DCHS2: variants seen among roughly 807,000 people sequenced by gnomAD.
The protein encoded by DCHS2 is dachsous cadherin-related 2, also known as protocadherin-23.
Under a neutral mutation model 182.4 loss-of-function variants are expected in DCHS2, and 142 were observed. The observed-to-expected ratio is 0.78, with a 90% CI of 0.68 to 0.89. The LOEUF is 0.89. Ranked by LOEUF, DCHS2 falls within the 40% of genes least tolerant of loss-of-function variation. The pLI is 0.00. For missense variants in DCHS2, 4,319 were observed against 4,198.6 expected, an observed-to-expected ratio of 1.03 and a Z score of -0.79; for synonymous variants, 1,740 against 1,663.3, an observed-to-expected ratio of 1.05 and a Z score of -1.12.
At chr4:154,302,356 C>T (rs1278629231) in intron 12 of DCHS2, among the ~76,000 whole-genome samples, 1 of 152,228 alleles carries the variant, frequency 6.6e-6, no homozygotes, top group South Asian at 2.1e-4. Context: ...GCTGTGCAGG[C>T]GTCTTGGTTT....
intron 1 of DCHS2, among the ~76,000 whole-genome samples, chr4:154,488,575 T>TA (rs1335396339): frequency 1.4e-5 from 2 of 144,322 alleles, no homozygotes; most frequent in Non-Finnish European, 3.0e-5. Context: ...AACTACCTTA[T>TA]TCCCTAGGTT....
intron 4 of DCHS2, 148 bp from the exon 5 acceptor site, chr4:154,333,642 T>G (rs1728627134): frequency 2.6e-6 from 2 of 769,844 alleles, no homozygotes; most frequent in East Asian, 5.4e-5. Flanking sequence ...TCCGTAAGAT[T>G]CTGACACCGT....
At chr4:154,417,605 T>TA in intron 1 of DCHS2, among the ~76,000 whole-genome samples, 1 of 152,262 alleles carries the variant, frequency 6.6e-6, no homozygotes, top group Non-Finnish European at 1.5e-5. Context: ...ATGATTATAC[T>TA]AAAAACAAAA....
At chr4:154,406,477 T>A (rs1411534414) in intron 1 of DCHS2, among the ~76,000 whole-genome samples, 1 of 152,258 alleles carries the variant, frequency 6.6e-6, no homozygotes, top group Non-Finnish European at 1.5e-5. Flanking sequence ...TCATATATTC[T>A]GTCTGATTTT....
rs1350555668 is a variant in DCHS2 at position 154,332,984 on chromosome 4, T to G, written c.3224A>C (p.Lys1075Thr). The change falls in exon 5 of 20, where the codon AAA becomes ACA. Residue 1075 changes from lysine to threonine, a missense_variant. Coordinates refer to ENST00000357232, the MANE Select transcript of DCHS2 (RefSeq NM_001358235.2). ...AGTCCAGGATGGGCTGTGTTCGCGT[T>G]TCTCGATAACGACTGTCAGCACCAG... ...ALLVLTVVIE[K>T]REHSPSWTFE... 3 of 1,614,170 alleles carry G rather than the reference T, an allele frequency of 1.9e-6. No homozygotes were observed. The African/African-American group carries it at 4.0e-5, about 22-fold the overall frequency.
intron 12 of DCHS2, among the ~76,000 whole-genome samples, chr4:154,302,878 CAT>C (rs1205878888): frequency 6.9e-6 from 1 of 144,004 alleles, no homozygotes; most frequent in Non-Finnish European, 1.5e-5. Context: ...TATATACACA[CAT>C]ATGAAATATA....
chr4:154,298,081 G>C lies in DCHS2; in HGVS notation c.6233C>G (p.Ala2078Gly), dbSNP rs1289654166. ...GPNGTVVFSF[A>G]ETQSMFSIDK... ...AATAGAAAACATTGACTGGGTCTCT[G>C]CAAAACTAAAAACCACAGTTCCATT... The change falls in exon 13 of 20, where the codon GCA becomes GGA. Residue 2078 changes from alanine (A) to glycine (G), a missense_variant. Ala to Gly is a moderately conservative substitution (Grantham distance 60, BLOSUM62 0). Transcript: ENST00000357232. The C allele has an allele frequency of 6.2e-7, 1 of 1,614,076 alleles. No individual in the cohort carries two copies.
chr4:154,417,568 C>A (rs1732924265), intron 1 of DCHS2, among the ~76,000 whole-genome samples: 1 of 152,120 alleles, frequency 6.6e-6, no homozygotes, highest in Non-Finnish European at 1.5e-5. Context: ...TTTCAGAAAT[C>A]AAATTGTTTT....
intron 1 of DCHS2, among the ~76,000 whole-genome samples, chr4:154,458,499 T>C (rs890793826): frequency 2.0e-5 from 3 of 152,170 alleles, no homozygotes; most frequent in Non-Finnish European, 4.4e-5. Flanking sequence ...ATGAGATTTA[T>C]CTTGTTTGCT....
At chr4:154,347,360 G>T (rs536093837) in intron 3 of DCHS2, among the ~76,000 whole-genome samples, 2 of 150,862 alleles carry the variant, frequency 1.3e-5, no homozygotes, top group Admixed American at 1.3e-4. Flanking sequence ...TCAGATTTTT[G>T]CATCAGATAC....
At chr4:154,242,507 A>T in intron 17 of DCHS2, 135 bp downstream of exon 17, 1 of 1,299,454 alleles carries the variant, frequency 7.7e-7, no homozygotes, top group Non-Finnish European at 1.0e-6. Flanking sequence ...GTTCTGCAAA[A>T]TGAAGACAAA....
At chr4:154,478,966 G>T (rs1325301256) in intron 1 of DCHS2, among the ~76,000 whole-genome samples, 3 of 152,096 alleles carry the variant, frequency 2.0e-5, no homozygotes, top group Admixed American at 2.0e-4. Flanking sequence ...AAAAACTAGA[G>T]AAATATGATA....
At chr4:154,261,893 T>C (rs904854752) in intron 14 of DCHS2, 5 of 152,092 alleles carry the variant, frequency 3.3e-5, no homozygotes, top group African/African-American at 4.8e-5. Context: ...AGATGCTTTT[T>C]GATATGCTGG....
At position 154,442,327 on chromosome 4, in the gene DCHS2, TAG is replaced by T. The variant is rs1479810298; in HGVS notation, c.2052+46975_2052+46976del. On this transcript the variant is annotated intron_variant, in intron 1 of 19. Coordinates refer to ENST00000357232, the MANE Select transcript of DCHS2 (RefSeq NM_001358235.2). Reference sequence around the variant, plus strand: ...GTTGACCTCAATTCCCATAAAAATGTAGAGTCTCAATCCCTAGACTCTCTTAC... The same window carrying T: ...GTTGACCTCAATTCCCATAAAAATGTAGTCTCAATCCCTAGACTCTCTTAC... Among the ~76,000 whole-genome samples, 6 of 152,214 alleles carry T rather than the reference TAG, an allele frequency of 3.9e-5. No individual in the cohort carries two copies. The South Asian group carries it at 1.2e-3, about 32-fold the overall frequency.
At chr4:154,414,823 A>T (rs1042016232) in intron 1 of DCHS2, among the ~76,000 whole-genome samples, 2 of 152,192 alleles carry the variant, frequency 1.3e-5, no homozygotes, top group Admixed American at 1.3e-4. Flanking sequence ...CCTAAATGGG[A>T]TACTGCAGGT....
chr4:154,420,647 C>A (rs1733073786), intron 1 of DCHS2, among the ~76,000 whole-genome samples: 1 of 152,148 alleles, frequency 6.6e-6, no homozygotes, highest in Non-Finnish European at 1.5e-5. Context: ...TGCTTTTTTG[C>A]TCTATCTGGG....
At chr4:154,358,258 C>T (rs569270951) in intron 3 of DCHS2, among the ~76,000 whole-genome samples, 1 of 152,242 alleles carries the variant, frequency 6.6e-6, no homozygotes, top group South Asian at 2.1e-4. Flanking sequence ...TTTCCCAACT[C>T]GCTTATCCAA....
At chr4:154,362,604 ATGGGT>A (rs1242361987) in intron 3 of DCHS2, among the ~76,000 whole-genome samples, 21 of 152,090 alleles carry the variant, frequency 1.4e-4, no homozygotes, top group Non-Finnish European at 2.1e-4. Context: ...CTTGAATAAC[ATGGGT>A]TTGAATTGCG....
At chr4:154,267,114 A>G (rs1733315490) in intron 14 of DCHS2, among the ~76,000 whole-genome samples, 1 of 152,228 alleles carries the variant, frequency 6.6e-6, no homozygotes, top group African/African-American at 2.4e-5. Context: ...TAATTCATGC[A>G]TGGCAGCTTT....
Sources: gnomAD v4.1 joint callset for allele counts (sites outside exome capture counted in the v4.1 genomes callset) on GRCh38, gnomAD v4.1.1 for gene constraint, MANE v1.5 for transcripts, NCBI Gene and HGNC (gene_info 2026-07-23, HGNC 2026-07-21) for gene names.